Variants in AGPAT4 observed in about 807,000 individuals in gnomAD.
AGPAT4 encodes 1-acyl-sn-glycerol-3-phosphate acyltransferase delta.
A neutral mutation model predicts 48.0 loss-of-function variants in AGPAT4; 15 were observed. The ratio of observed to expected loss-of-function variants is 0.31; its 90% confidence interval spans 0.21 to 0.48. The LOEUF is 0.48. Among genes scored for constraint, AGPAT4 ranks in the 20% least tolerant of loss-of-function variants. The pLI, the probability that AGPAT4 is intolerant of heterozygous loss-of-function variation, is 0.99. For missense variants in AGPAT4, 314 were observed against 482.5 expected, an observed-to-expected ratio of 0.65 and a Z score of 3.27; for synonymous variants, 178 against 198.7, an observed-to-expected ratio of 0.90 and a Z score of 0.88.
At position 161,216,394 on chromosome 6, in the gene AGPAT4, T is replaced by C. The variant is rs1485660684; in HGVS notation, c.178+15642A>G. Among the ~76,000 whole-genome samples, 5 of 152,210 alleles carry C rather than the reference T, an allele frequency of 3.3e-5. No homozygotes were observed. Among genetic ancestry groups the C allele is most frequent in the South Asian group, 2.1e-4 (1 of 4,834 alleles). On this transcript the variant is annotated intron_variant, in intron 2 of 8. Coordinates refer to ENST00000320285, the MANE Select transcript of AGPAT4 (RefSeq NM_020133.3). This position sits in a 1 kb window ranked among gnomAD's most constrained non-coding sequence, Gnocchi z 4.8. ...CAGGATGACAGACAACCTCTGCAAC[T>C]GCCTTCTACAATCTTCAGGCTCACT...
In AGPAT4 at chr6:161,232,471, T is replaced by C. The variant is rs185402494; in HGVS notation, c.-89-169A>G. ...TGTAGTGCTTACTTCCTGTCGAGCATAGTCTAAGCCCTTTAACAATAATCC... is the reference window on the plus strand; with the variant it reads ...TGTAGTGCTTACTTCCTGTCGAGCACAGTCTAAGCCCTTTAACAATAATCC... On this transcript the variant is annotated intron_variant, in intron 1 of 8. Coordinates refer to ENST00000320285, the MANE Select transcript of AGPAT4 (RefSeq NM_020133.3). The surrounding 1 kb of genome is among the most constrained non-coding windows in gnomAD (Gnocchi z 6.8). 3.9e-5 allele frequency among the ~76,000 whole-genome samples: 6 copies of C among 152,354 alleles called. No homozygotes were observed. The East Asian group carries it at 7.7e-4, about 20-fold the overall frequency.
At position 161,198,721 on chromosome 6, in the gene AGPAT4, G is replaced by A. The variant is rs1460746251; in HGVS notation, c.179-32304C>T. Among the ~76,000 whole-genome samples, 1 of 151,568 alleles carries A rather than the reference G, an allele frequency of 6.6e-6. No homozygotes were observed. Among genetic ancestry groups the A allele is most frequent in the African/African-American group, 2.4e-5 (1 of 40,872 alleles). ...TAAGCTCACATGTAGAAGGAACTCC[G>A]CAGAGTGCTGGGAACACTATATGCA... On this transcript the variant is annotated intron_variant, in intron 2 of 8. Transcript: ENST00000320285. This position sits in a 1 kb window ranked among gnomAD's most constrained non-coding sequence, Gnocchi z 4.3.
rs200848078 is a variant in AGPAT4 at position 161,190,586 on chromosome 6, G to GA, written c.179-24170_179-24169insT. ...GAAGCTTTACCCAGAAGAAACCAAG[G>GA]GAAAAAAAAAAAAAAAAAGATCCTT... On this transcript the variant is annotated intron_variant, in intron 2 of 8. Coordinates refer to ENST00000320285, the MANE Select transcript of AGPAT4 (RefSeq NM_020133.3). 4.1e-3 allele frequency among the ~76,000 whole-genome samples: 387 copies of GA among 93,738 alleles called. 3 individuals are homozygous for GA. Among genetic ancestry groups the GA allele is most frequent in the Middle Eastern group, 0.019 (4 of 210 alleles). 61.5% of individuals were successfully genotyped at this position (93,738 alleles called of 152,430 possible).
At position 161,222,599 on chromosome 6, in the gene AGPAT4, A is replaced by G. The variant is rs1345435330; in HGVS notation, c.178+9437T>C. 2.6e-5 allele frequency among the ~76,000 whole-genome samples: 4 copies of G among 151,976 alleles called. No homozygotes were observed. Among genetic ancestry groups the G allele is most frequent in the African/African-American group, 9.7e-5 (4 of 41,368 alleles). On this transcript the variant is annotated intron_variant, in intron 2 of 8. Coordinates refer to ENST00000320285, the MANE Select transcript of AGPAT4 (RefSeq NM_020133.3). The surrounding 1 kb of genome is among the most constrained non-coding windows in gnomAD (Gnocchi z 5.9). ...AGATTTTTTTTTTTTTCAAATTCCAATTAACAGTTTCTCAAGGCACATTTT... is the reference window on the plus strand; with the variant it reads ...AGATTTTTTTTTTTTTCAAATTCCAGTTAACAGTTTCTCAAGGCACATTTT...
rs1378936832 is a variant in AGPAT4 at position 161,142,773 on chromosome 6, C to T, written c.844-3153G>A. Among the ~76,000 whole-genome samples, 2 of 152,204 alleles carry T rather than the reference C, an allele frequency of 1.3e-5. No homozygotes were observed. Among genetic ancestry groups the T allele is most frequent in the Admixed American group, 6.5e-5 (1 of 15,286 alleles). ...GGGCGGGGAGAGGCTCTGTGAGAAG[C>T]GCTCGCAAGCCTTGGTCTCAGCCCG... is the stretch of plus-strand genomic sequence containing the variant. On this transcript the variant is annotated intron_variant, in intron 7 of 8. Transcript: ENST00000320285. The surrounding 1 kb of genome is among the most constrained non-coding windows in gnomAD (Gnocchi z 6.4).
In AGPAT4 at chr6:161,231,938, G is replaced by A. The variant is rs550841650; in HGVS notation, c.178+98C>T. 26 of 1,226,852 alleles carry A rather than the reference G, an allele frequency of 2.1e-5. No individual in the cohort carries two copies. Among genetic ancestry groups the A allele is most frequent in the South Asian group, 1.3e-4 (7 of 53,438 alleles). 76.0% of individuals were successfully genotyped at this position (1,226,852 alleles called of 1,614,324 possible). On this transcript the variant is annotated intron_variant, in intron 2 of 8. Coordinates refer to ENST00000320285, the MANE Select transcript of AGPAT4 (RefSeq NM_020133.3). The surrounding 1 kb of genome is among the most constrained non-coding windows in gnomAD (Gnocchi z 5.3). Reference sequence around the variant, plus strand: ...CAAAAACAAAACAAAAAAACAGCTCGGCACACAACGAAAGCCTAGTGAATC... The same window carrying A: ...CAAAAACAAAACAAAAAAACAGCTCAGCACACAACGAAAGCCTAGTGAATC...
chr6:161,182,723 C>A (rs551805366), intron 2 of AGPAT4, among the ~76,000 whole-genome samples: 6 of 152,228 alleles, frequency 3.9e-5, no homozygotes, highest in African/African-American at 1.4e-4. Context: ...GGGCAGCCAG[C>A]GGCTGGTACA....
chr6:161,156,637 G>C (rs895655253), intron 3 of AGPAT4, among the ~76,000 whole-genome samples: 6 of 152,224 alleles, frequency 3.9e-5, no homozygotes, highest in Admixed American at 3.9e-4. Context: ...TTGTTGCTGG[G>C]CTGTTGGGAA....
chr6:161,177,702 C>T lies in AGPAT4; in HGVS notation c.179-11285G>A, dbSNP rs573534379. On this transcript the variant is annotated intron_variant, in intron 2 of 8. Coordinates refer to ENST00000320285, the MANE Select transcript of AGPAT4 (RefSeq NM_020133.3). The surrounding 1 kb of genome is among the most constrained non-coding windows in gnomAD (Gnocchi z 5.0). ...TTTCTTCCATTGCTGCGAGGAGCTG[C>T]ATTCCTTTGGAGTAGAAGAGGCACT... Among the ~76,000 whole-genome samples, 2 of 152,350 alleles carry T rather than the reference C, an allele frequency of 1.3e-5. No homozygotes were observed. Among genetic ancestry groups the T allele is most frequent in the Admixed American group, 6.5e-5 (1 of 15,298 alleles).
In AGPAT4 at chr6:161,219,666, A is replaced by G. The variant is rs915326437; in HGVS notation, c.178+12370T>C. Among the ~76,000 whole-genome samples, 7 of 152,222 alleles carry G rather than the reference A, an allele frequency of 4.6e-5. No homozygotes were observed. Among genetic ancestry groups the G allele is most frequent in the Non-Finnish European group, 8.8e-5 (6 of 68,038 alleles). On this transcript the variant is annotated intron_variant, in intron 2 of 8. Coordinates refer to ENST00000320285, the MANE Select transcript of AGPAT4 (RefSeq NM_020133.3). The surrounding 1 kb of genome is among the most constrained non-coding windows in gnomAD (Gnocchi z 4.9). Reference sequence around the variant, plus strand: ...AGCTAAGACAACTTGACTTAAGCCAAGCATCCATTCATACAATTCAGTATC... The same window carrying G: ...AGCTAAGACAACTTGACTTAAGCCAGGCATCCATTCATACAATTCAGTATC...
Position 161,258,692 on chromosome 6 carries a change from C to G in AGPAT4, c.-90+15246G>C, listed in dbSNP as rs897745007. ...CCCGCAAAAAACACAGAAACACCAT[C>G]CACAGAGAGTCATTACTCAAGCTAG... On this transcript the variant is annotated intron_variant, in intron 1 of 8. Transcript: ENST00000320285. Among the ~76,000 whole-genome samples the G allele has an allele frequency of 7.9e-5, 12 of 152,190 alleles. No homozygotes were observed. In the East Asian group the frequency reaches 1.7e-3, roughly 22 times the overall value.
rs1038193430 is a variant in AGPAT4 at position 161,136,409 on chromosome 6, CTGGAGAGG to C, written c.*123_*130del. ...CCGGCCTTGAGACCAGACTCCCTGG[CTGGAGAGG>C]TCGTGACTTCCGCCGTGCCCAGCAG... On this transcript the variant is annotated 3_prime_UTR_variant, in exon 9 of 9. Transcript: ENST00000320285. The C allele has an allele frequency of 5.5e-6, 4 of 722,514 alleles. No homozygotes were observed. Among genetic ancestry groups the C allele is most frequent in the Non-Finnish European group, 9.4e-6 (4 of 423,566 alleles). 44.8% of individuals were successfully genotyped at this position (722,514 alleles called of 1,614,324 possible).
chr6:161,202,544 T>C lies in AGPAT4; in HGVS notation c.178+29492A>G, dbSNP rs186008143. On this transcript the variant is annotated intron_variant, in intron 2 of 8. Transcript: ENST00000320285. This position sits in a 1 kb window ranked among gnomAD's most constrained non-coding sequence, Gnocchi z 5.4. The stretch of plus-strand genomic sequence containing the variant: ...AGGAGTTAGGGAAATGGGGTTTCAC[T>C]TTTTTCAGGGAAGACTGTCAAAGAC... Among the ~76,000 whole-genome samples the C allele has an allele frequency of 4.6e-3, 694 of 152,236 alleles. 4 individuals carry two copies. The highest frequency in any genetic ancestry group is 7.5e-3 in the South Asian group (36 of 4,832).
rs887005174 is a variant in AGPAT4, at chr6:161,221,610, C to G, written c.178+10426G>C. 5.9e-5 allele frequency among the ~76,000 whole-genome samples: 9 copies of G among 152,166 alleles called. No individual in the cohort carries two copies. The highest frequency in any genetic ancestry group is 1.2e-4 in the Non-Finnish European group (8 of 68,028). On this transcript the variant is annotated intron_variant, in intron 2 of 8. Transcript: ENST00000320285. The surrounding 1 kb of genome is among the most constrained non-coding windows in gnomAD (Gnocchi z 4.5). ...CGCAGACTGGATTCATTTCCTGGGGCTGCCAAAGGACCACAGACTGGGGAA... is the reference window on the plus strand; with the variant it reads ...CGCAGACTGGATTCATTTCCTGGGGGTGCCAAAGGACCACAGACTGGGGAA...
chr6:161,147,447 T>C lies in AGPAT4; in HGVS notation c.768-848A>G, dbSNP rs1779463856. 6.6e-6 allele frequency among the ~76,000 whole-genome samples: 1 copy of C among 152,204 alleles called. No individual in the cohort carries two copies. The highest frequency in any genetic ancestry group is 2.4e-5 in the African/African-American group (1 of 41,450). On this transcript the variant is annotated intron_variant, in intron 6 of 8. Transcript: ENST00000320285. The surrounding 1 kb of genome is among the most constrained non-coding windows in gnomAD (Gnocchi z 4.8). Reference sequence around the variant, plus strand: ...GTCAAAGTCTGCATCTGGCTTGATTTCTCAGGTCACTTCACTCCCTTCTAT... The same window carrying C: ...GTCAAAGTCTGCATCTGGCTTGATTCCTCAGGTCACTTCACTCCCTTCTAT...
Position 161,232,204 on chromosome 6 carries a change from C to T in AGPAT4, c.10G>A (p.Ala4Thr), listed in dbSNP as rs1312746525. 10 of 1,613,722 alleles carry T rather than the reference C, an allele frequency of 6.2e-6. No individual in the cohort carries two copies. The highest frequency in any genetic ancestry group is 8.5e-6 in the Non-Finnish European group (10 of 1,179,956). MDL[A>T]GLLKSQFLCH... ...AGGAACTGAGACTTCAGCAGTCCCGCGAGGTCCATGATGCGTGGACGCTCT... is the reference window on the plus strand; with the variant it reads ...AGGAACTGAGACTTCAGCAGTCCCGTGAGGTCCATGATGCGTGGACGCTCT... Residue 4 changes from alanine to threonine, a missense_variant, in exon 2 of 9, where the codon GCG becomes ACG. By Grantham distance (58) the Ala-to-Thr change is moderately conservative. Coordinates refer to ENST00000320285, the MANE Select transcript of AGPAT4 (RefSeq NM_020133.3). This position sits in a 1 kb window ranked among gnomAD's most constrained non-coding sequence, Gnocchi z 6.8.
rs1781183640 is a variant in AGPAT4, at chr6:161,200,066, G to T, written c.178+31970C>A. On this transcript the variant is annotated intron_variant, in intron 2 of 8. Coordinates refer to ENST00000320285, the MANE Select transcript of AGPAT4 (RefSeq NM_020133.3). This position sits in a 1 kb window ranked among gnomAD's most constrained non-coding sequence, Gnocchi z 5.5. ...AGAGAGGGAAAGGAAGGGCACTGAG[G>T]AGGGCTTCTAAGGGCCTAACTCTGC... Among the ~76,000 whole-genome samples, 1 of 152,212 alleles carries T rather than the reference G, an allele frequency of 6.6e-6. No individual in the cohort carries two copies. The highest frequency in any genetic ancestry group is 2.4e-5 in the African/African-American group (1 of 41,452).
intron 3 of AGPAT4, among the ~76,000 whole-genome samples, chr6:161,163,882 G>A (rs1339470112): frequency 1.3e-5 from 2 of 152,180 alleles, no homozygotes; most frequent in Non-Finnish European, 2.9e-5. Flanking sequence ...TATTTCACCT[G>A]TAAGTGGAGC....
chr6:161,258,822 A>C (rs2114746096), intron 1 of AGPAT4, among the ~76,000 whole-genome samples: 1 of 148,788 alleles, frequency 6.7e-6, no homozygotes, highest in South Asian at 2.1e-4. Flanking sequence ...TTGGAGAATG[A>C]GTCTCACTCT....
Sources: gnomAD v4.1 joint callset for allele counts (sites outside exome capture counted in the v4.1 genomes callset) on GRCh38, gnomAD v4.1.1 for gene constraint, Gnocchi (gnomAD v3.1) non-coding constraint, MANE v1.5 for transcripts, NCBI Gene and HGNC (gene_info 2026-07-23, HGNC 2026-07-21) for gene names.